Variants in LRRC4C observed in about 807,000 individuals in gnomAD.
LRRC4C encodes the protein leucine-rich repeat-containing protein 4C.
A neutral mutation model predicts 33.6 loss-of-function variants in LRRC4C; 5 were observed. That is an observed-to-expected ratio of 0.15 (90% CI 0.08 to 0.31). LRRC4C has a LOEUF of 0.31. LRRC4C is among the 10% of genes least tolerant of loss of function. The pLI is 1.00. For missense variants in LRRC4C, 560 were observed against 796.7 expected (o/e 0.70, Z 3.58); for synonymous variants, 329 against 302.0 (o/e 1.09, Z -0.93).
intron 6 of LRRC4C, among the ~76,000 whole-genome samples, chr11:40,136,945 C>T (rs1590480272): frequency 6.6e-6 from 1 of 152,252 alleles, no homozygotes; most frequent in East Asian, 1.9e-4. Context: ...AAGATTCTTC[C>T]AAAGATAACA....
intron 3 of LRRC4C, among the ~76,000 whole-genome samples, chr11:40,407,969 G>A (rs547314200): frequency 6.6e-6 from 1 of 152,086 alleles, no homozygotes; most frequent in East Asian, 1.9e-4. Flanking sequence ...CCAAGTATGT[G>A]TTCAGATAGA....
rs545126081 is a variant in LRRC4C at position 41,226,520 on chromosome 11, CTTA to C, written c.-496+232908_-496+232910del. Among the ~76,000 whole-genome samples the C allele has an allele frequency of 1.1e-3, 174 of 152,228 alleles. No homozygotes were observed. In the Middle Eastern group the frequency reaches 0.02, roughly 18 times the overall value. On this transcript the variant is annotated intron_variant, in intron 1 of 6. Transcript: ENST00000528697. ...AATGTCCTGTCTTCACACATAGACA[CTTA>C]TCACTGTCAGTACTCAGAGTTCAAC...
chr11:40,683,632 G>T (rs772055386), intron 2 of LRRC4C, among the ~76,000 whole-genome samples: 4 of 152,170 alleles, frequency 2.6e-5, no homozygotes, highest in Admixed American at 6.5e-5. Flanking sequence ...TCATGTAAGT[G>T]TGGAGGTAAG....
At chr11:41,344,358 G>A (rs1272017599) in intron 1 of LRRC4C, among the ~76,000 whole-genome samples, 2 of 151,414 alleles carry the variant, frequency 1.3e-5, no homozygotes, top group African/African-American at 4.9e-5. Context: ...GTAGCTGGGA[G>A]TACAGGCGCC....
chr11:40,251,109 C>T (rs1866754523), intron 4 of LRRC4C, among the ~76,000 whole-genome samples: 1 of 152,114 alleles, frequency 6.6e-6, no homozygotes, highest in South Asian at 2.1e-4. Flanking sequence ...ACCAGACCTT[C>T]CTAAGCAGTC....
intron 4 of LRRC4C, among the ~76,000 whole-genome samples, chr11:40,272,588 T>G (rs925103821): frequency 6.6e-6 from 1 of 152,054 alleles, no homozygotes; most frequent in Admixed American, 6.6e-5. Flanking sequence ...TTTCACTTTA[T>G]TTTACATTTT....
rs71060962 is a variant in LRRC4C at position 40,451,366 on chromosome 11, CTTTTTTTTTTTTTTTTTTTT to C, written c.-269-131665_-269-131646del. 2.3e-4 allele frequency among the ~76,000 whole-genome samples: 11 copies of C among 47,088 alleles called. No homozygotes were observed. The South Asian group carries it at 6.3e-3, about 27-fold the overall frequency. 30.9% of individuals were successfully genotyped at this position (47,088 alleles called of 152,430 possible). The stretch of plus-strand genomic sequence containing the variant: ...ACTATTAGCCTTACAGAAATAATGA[CTTTTTTTTTTTTTTTTTTTT>C]TTTTTTTTTTTTTTTTTGAGACAGA... On this transcript the variant is annotated intron_variant, in intron 3 of 6. Coordinates refer to ENST00000528697, the MANE Select transcript of LRRC4C (RefSeq NM_001258419.2).
chr11:40,505,884 C>A (rs780849584), intron 3 of LRRC4C, among the ~76,000 whole-genome samples: 9 of 135,866 alleles, frequency 6.6e-5, no homozygotes, highest in Non-Finnish European at 6.3e-5. Context: ...TTGGAGGACT[C>A]CAAGAAGCCT....
At chr11:40,857,323 A>G (rs1953838675) in intron 2 of LRRC4C, among the ~76,000 whole-genome samples, 1 of 152,152 alleles carries the variant, frequency 6.6e-6, no homozygotes, top group African/African-American at 2.4e-5. Flanking sequence ...CCCTGCATGC[A>G]TTAGCTATTT....
chr11:40,859,699 C>G (rs1953978773), intron 2 of LRRC4C, among the ~76,000 whole-genome samples: 1 of 151,980 alleles, frequency 6.6e-6, no homozygotes, highest in Non-Finnish European at 1.5e-5. Flanking sequence ...GGAAACAGCC[C>G]AAATTTTTAT....
chr11:40,138,444 C>T (rs1857136789), intron 6 of LRRC4C, among the ~76,000 whole-genome samples: 1 of 152,200 alleles, frequency 6.6e-6, no homozygotes, highest in Non-Finnish European at 1.5e-5. Context: ...AAGACTAACA[C>T]TACTACTATG....
chr11:40,892,511 T>C (rs555252866), intron 2 of LRRC4C, among the ~76,000 whole-genome samples: 1 of 152,274 alleles, frequency 6.6e-6, no homozygotes, highest in African/African-American at 2.4e-5. Context: ...GCAATGGTAT[T>C]TGCAATAGCC....
At chr11:40,582,823 AT>A (rs113091395) in intron 3 of LRRC4C, among the ~76,000 whole-genome samples, 43 of 151,264 alleles carry the variant, frequency 2.8e-4, no homozygotes, top group African/African-American at 6.5e-4. Flanking sequence ...AGCCTGTTCA[AT>A]TTTTTTTTAA....
chr11:40,214,392 C>G (rs1223781260), intron 5 of LRRC4C, among the ~76,000 whole-genome samples: 1 of 152,032 alleles, frequency 6.6e-6, no homozygotes, highest in Non-Finnish European at 1.5e-5. Context: ...TTACATATTT[C>G]TTTTTAAGAA....
In LRRC4C at chr11:40,551,203, C is replaced by T. The variant is rs182154058; in HGVS notation, c.-270+96939G>A. ...CATTACAAGAGCTATGGTTAAATGG[C>T]TAAAACAAGAATTCAGAATTTAAGA... On this transcript the variant is annotated intron_variant, in intron 3 of 6. Coordinates refer to ENST00000528697, the MANE Select transcript of LRRC4C (RefSeq NM_001258419.2). Among the ~76,000 whole-genome samples the T allele has an allele frequency of 2.0e-5, 3 of 151,992 alleles. No homozygotes were observed. The East Asian group carries it at 5.8e-4, about 29-fold the overall frequency.
chr11:40,371,325 C>T (rs1386003081), intron 3 of LRRC4C, among the ~76,000 whole-genome samples: 1 of 152,016 alleles, frequency 6.6e-6, no homozygotes, highest in African/African-American at 2.4e-5. Flanking sequence ...TGACATGTCT[C>T]CTCTGCAAAT....
Position 41,276,500 on chromosome 11 carries a change from G to T in LRRC4C, c.-496+182931C>A, listed in dbSNP as rs140050288. Among the ~76,000 whole-genome samples the T allele has an allele frequency of 9.2e-3, 1,401 of 152,174 alleles. 18 individuals are homozygous for T. The highest frequency in any genetic ancestry group is 0.015 in the Non-Finnish European group (1,018 of 68,008). On this transcript the variant is annotated intron_variant, in intron 1 of 6. Coordinates refer to ENST00000528697, the MANE Select transcript of LRRC4C (RefSeq NM_001258419.2). The stretch of plus-strand genomic sequence containing the variant: ...CTTGATTCCCCAATAATAAATGATT[G>T]ACCTATAATTCCTTCTTGGCACATA...
At chr11:41,112,467 T>C (rs11036239) in intron 1 of LRRC4C, among the ~76,000 whole-genome samples, 11,888 of 152,108 alleles carry the variant, frequency 0.078, 588 homozygotes, top group East Asian at 0.19. Flanking sequence ...TACAGATCTT[T>C]AATCTCTTTC....
intron 4 of LRRC4C, among the ~76,000 whole-genome samples, chr11:40,283,474 G>A (rs1320612866): frequency 1.3e-5 from 2 of 151,908 alleles, no homozygotes; most frequent in African/African-American, 2.4e-5. Context: ...TGAAAAATGG[G>A]TCCCTACAGG....
Sources: gnomAD v4.1 joint callset for allele counts (sites outside exome capture counted in the v4.1 genomes callset) on GRCh38, gnomAD v4.1.1 for gene constraint, MANE v1.5 for transcripts, NCBI Gene and HGNC (gene_info 2026-07-23, HGNC 2026-07-21) for gene names.